CNOT2: variants seen among roughly 807,000 people sequenced by gnomAD.
CNOT2 encodes CC chemokine receptor 4-negative regulator of transcription 2.
CNOT2 carries 7 observed loss-of-function variants against 72.1 expected under a neutral mutation model. That is an observed-to-expected ratio of 0.10 (90% CI 0.06 to 0.18). The LOEUF (loss-of-function observed/expected upper bound fraction) is 0.18, where lower values mean the gene tolerates loss of function less well. CNOT2 is among the 10% of genes least tolerant of loss of function. CNOT2 has a pLI of 1.00. For synonymous variants in CNOT2, 196 were observed against 225.6 expected (o/e 0.87, Z 1.17); for missense variants, 345 against 660.3 (o/e 0.52, Z 5.23).
intron 6 of CNOT2, chr12:70,331,326 A>G (rs1450631105): frequency 1.3e-5 from 2 of 151,838 alleles, no homozygotes; most frequent in African/African-American, 2.4e-5. Context: ...TTTTATTTAG[A>G]TATCTATAAT....
chr12:70,337,327 TA>T, intron 8 of CNOT2, 61 bp from the exon 9 acceptor site: 1 of 1,441,198 alleles, frequency 6.9e-7, no homozygotes, highest in Non-Finnish European at 9.7e-7. Flanking sequence ...GTTAACTTTA[TA>T]ATCTGTAGCA....
At chr12:70,262,937 T>C (rs754316523) in intron 1 of CNOT2, among the ~76,000 whole-genome samples, 5 of 152,156 alleles carry the variant, frequency 3.3e-5, no homozygotes, top group Non-Finnish European at 7.4e-5. Flanking sequence ...CCTCTCAAAG[T>C]ACTGAGATAA....
At chr12:70,321,508 G>A (rs898793621) in intron 4 of CNOT2, 1 of 151,822 alleles carries the variant, frequency 6.6e-6, no homozygotes, top group Non-Finnish European at 1.5e-5. Flanking sequence ...AATGAAGGAT[G>A]GAGAGATAAG....
intron 4 of CNOT2, among the ~76,000 whole-genome samples, chr12:70,326,647 C>G (rs936165774): frequency 6.6e-6 from 1 of 151,598 alleles, no homozygotes. Flanking sequence ...AAAAACAAAT[C>G]TTTATATATA....
At position 70,348,965 on chromosome 12, in the gene CNOT2, T is replaced by C. The variant is rs546610657; in HGVS notation, c.1536+2641T>C. 2.6e-5 allele frequency among the ~76,000 whole-genome samples: 4 copies of C among 152,184 alleles called. No homozygotes were observed. The East Asian group carries it at 7.7e-4, about 29-fold the overall frequency. On this transcript the variant is annotated intron_variant, in intron 15 of 15. Transcript: ENST00000229195. ...GTGATGTGAAAAATGTGAGAAATAA[T>C]ATCATTAAGTTACTCCCTCAGAAAT...
At position 70,335,356 on chromosome 12, in the gene CNOT2, C is replaced by T. The variant is rs546837598; in HGVS notation, c.650-82C>T. 119 of 1,049,694 alleles carry T rather than the reference C, an allele frequency of 1.1e-4. 1 individual carries two copies. The East Asian group carries it at 2.4e-3, about 21-fold the overall frequency. The allele number at this position is 1,049,694 out of a possible 1,614,324, so 65.0% of individuals were successfully genotyped here. ...ATTTAGGAAGAAGGCGCAATCATTT[C>T]GAATTATATTATGGTTGGTTTTTAT... is the stretch of plus-strand genomic sequence containing the variant. On this transcript the variant is annotated intron_variant, in intron 7 of 15. Transcript: ENST00000229195.
At chr12:70,346,690 A>G (rs1342169094) in intron 15 of CNOT2, 1 of 158,066 alleles carries the variant, frequency 6.3e-6, no homozygotes, top group Non-Finnish European at 1.4e-5. Context: ...AGCAGTATAT[A>G]AACAGGCTTT....
chr12:70,302,894 G>T (rs1874351561), intron 2 of CNOT2, among the ~76,000 whole-genome samples: 1 of 152,138 alleles, frequency 6.6e-6, no homozygotes, highest in African/African-American at 2.4e-5. Flanking sequence ...ATGAATTTGG[G>T]TGCTCCTGTA....
chr12:70,321,546 ATAT>A (rs1878298619), intron 4 of CNOT2: 1 of 151,596 alleles, frequency 6.6e-6, no homozygotes, highest in Non-Finnish European at 1.5e-5. Context: ...TAGATTAGAG[ATAT>A]TATTCTTATG....
intron 2 of CNOT2, among the ~76,000 whole-genome samples, chr12:70,280,823 T>C (rs986647746): frequency 1.3e-5 from 2 of 152,160 alleles, no homozygotes; most frequent in South Asian, 4.1e-4. Context: ...TTAAGCCCAG[T>C]TAGGTATTTG....
intron 3 of CNOT2, among the ~76,000 whole-genome samples, chr12:70,316,793 C>A (rs1377692947): frequency 6.6e-6 from 1 of 152,090 alleles, no homozygotes; most frequent in African/African-American, 2.4e-5. Context: ...TCATGCTCTG[C>A]TTCCCCTCCC....
chr12:70,344,318 T>G (rs1279931379), intron 14 of CNOT2, 90 bp downstream of exon 14: 5 of 752,822 alleles, frequency 6.6e-6, no homozygotes, highest in Middle Eastern at 3.1e-4. Context: ...TATCTTTAAA[T>G]GGAACTATTT....
At chr12:70,311,574 G>A (rs1876468397) in intron 3 of CNOT2, among the ~76,000 whole-genome samples, 1 of 151,930 alleles carries the variant, frequency 6.6e-6, no homozygotes, top group Non-Finnish European at 1.5e-5. Context: ...GCTTTGGAAG[G>A]CTAATAGTTC....
At chr12:70,345,154 A>G (rs995882478) in intron 14 of CNOT2, 8 of 152,224 alleles carry the variant, frequency 5.3e-5, no homozygotes, top group African/African-American at 1.9e-4. Flanking sequence ...TATGTTTACT[A>G]TAGAGTAAAC....
intron 7 of CNOT2, among the ~76,000 whole-genome samples, chr12:70,333,788 G>C (rs1200899584): frequency 6.6e-6 from 1 of 151,952 alleles, no homozygotes; most frequent in African/African-American, 2.4e-5. Flanking sequence ...GGTGGCTTGT[G>C]TTCAAGATGT....
chr12:70,282,086 A>G (rs1487371075), intron 2 of CNOT2, among the ~76,000 whole-genome samples: 1 of 152,200 alleles, frequency 6.6e-6, no homozygotes, highest in Non-Finnish European at 1.5e-5. Context: ...CTTGGTATGT[A>G]GATAGGTGTT....
chr12:70,252,398 G>A (rs949366134), intron 1 of CNOT2, among the ~76,000 whole-genome samples: 2 of 152,054 alleles, frequency 1.3e-5, no homozygotes, highest in African/African-American at 4.8e-5. Context: ...TGTTGCCCAG[G>A]GTGGTCTTGA....
chr12:70,261,193 C>T (rs1403744662), intron 1 of CNOT2, among the ~76,000 whole-genome samples: 5 of 150,816 alleles, frequency 3.3e-5, no homozygotes, highest in African/African-American at 1.2e-4. Flanking sequence ...TGATGTTGAA[C>T]AGTTCTTGAA....
chr12:70,262,570 C>T (rs564015035), intron 1 of CNOT2, among the ~76,000 whole-genome samples: 2 of 152,342 alleles, frequency 1.3e-5, no homozygotes, highest in South Asian at 4.1e-4. Context: ...CCACGGCGCC[C>T]GGCCTAATTA....
Sources: allele counts gnomAD v4.1 joint callset (sites outside exome capture counted in the v4.1 genomes callset), GRCh38; gene constraint gnomAD v4.1.1; transcripts MANE v1.5; gene names NCBI Gene and HGNC (gene_info 2026-07-23, HGNC 2026-07-21).